The following CDH9 variants were observed in gnomAD, a reference collection of about 807,000 sequenced individuals.
CDH9 encodes cadherin-9.
A neutral mutation model predicts 70.9 loss-of-function variants in CDH9; 28 were observed. The ratio of observed to expected loss-of-function variants is 0.40; its 90% CI spans 0.29 to 0.54. The LOEUF (loss-of-function observed/expected upper bound fraction) is 0.54, where lower values mean the gene tolerates loss of function less well. CDH9 is among the 20% of genes least tolerant of loss of function. The pLI is 0.59. For synonymous variants in CDH9, 409 were observed against 343.1 expected (o/e 1.19, Z -2.12); for missense variants, 874 against 984.4 (o/e 0.89, Z 1.50).
intron 1 of CDH9, among the ~76,000 whole-genome samples, chr5:27,012,393 A>T (rs2112116431): frequency 6.6e-6 from 1 of 152,042 alleles, no homozygotes; most frequent in East Asian, 1.9e-4. Context: ...CTTGAAACAA[A>T]TTTTAAAAAT....
chr5:26,928,000 A>G (rs1164983227), intron 2 of CDH9, among the ~76,000 whole-genome samples: 3 of 152,074 alleles, frequency 2.0e-5, no homozygotes, highest in African/African-American at 4.8e-5. Flanking sequence ...AACCAGATTC[A>G]TATAGAGGTG....
At chr5:26,911,671 CA>C (rs1411523923) in intron 3 of CDH9, among the ~76,000 whole-genome samples, 11 of 17,580 alleles carry the variant, frequency 6.3e-4, no homozygotes, top group African/African-American at 7.3e-4. Context: ...GTAATGATCA[CA>C]AGAAAAAAAA....
At chr5:26,983,599 G>T (rs958512431) in intron 2 of CDH9, among the ~76,000 whole-genome samples, 1 of 152,134 alleles carries the variant, frequency 6.6e-6, no homozygotes, top group Non-Finnish European at 1.5e-5. Flanking sequence ...TAATTTTTGT[G>T]TGTGTTCTGA....
At chr5:27,029,974 A>T (rs1743283531) in intron 1 of CDH9, among the ~76,000 whole-genome samples, 2 of 152,006 alleles carry the variant, frequency 1.3e-5, no homozygotes, top group Non-Finnish European at 2.9e-5. Context: ...GTATAAAAAC[A>T]TTTTGCCACT....
intron 2 of CDH9, among the ~76,000 whole-genome samples, chr5:26,933,491 A>AAG (rs1554037795): frequency 3.3e-5 from 5 of 151,930 alleles, no homozygotes; most frequent in African/African-American, 1.2e-4. Context: ...TAAAAAAAAA[A>AAG]GAAGGCAGGG....
At chr5:26,965,512 G>T (rs1480587831) in intron 2 of CDH9, among the ~76,000 whole-genome samples, 1 of 151,530 alleles carries the variant, frequency 6.6e-6, no homozygotes, top group African/African-American at 2.4e-5. Flanking sequence ...AGAGGCAGAG[G>T]TTACAGTGAG....
intron 1 of CDH9, among the ~76,000 whole-genome samples, chr5:26,988,692 A>G (rs1364978733): frequency 6.6e-6 from 1 of 152,048 alleles, no homozygotes; most frequent in African/African-American, 2.4e-5. Context: ...GTTCTACAGC[A>G]TACATATTAT....
At chr5:26,992,790 T>C (rs1193193114) in intron 1 of CDH9, among the ~76,000 whole-genome samples, 1 of 152,108 alleles carries the variant, frequency 6.6e-6, no homozygotes, top group Non-Finnish European at 1.5e-5. Flanking sequence ...AAATGCTTAA[T>C]CTTCTTCAAG....
intron 2 of CDH9, among the ~76,000 whole-genome samples, chr5:26,969,096 C>T (rs1030773071): frequency 2.0e-5 from 3 of 152,056 alleles, no homozygotes; most frequent in Non-Finnish European, 2.9e-5. Context: ...ATTCATTTTC[C>T]ACAGTGAAGA....
intron 2 of CDH9, among the ~76,000 whole-genome samples, chr5:26,927,890 C>T (rs1206403565): frequency 6.6e-6 from 1 of 151,970 alleles, no homozygotes; most frequent in African/African-American, 2.4e-5. Flanking sequence ...TAGTGGCCCC[C>T]ACAGCACAAA....
intron 7 of CDH9, among the ~76,000 whole-genome samples, chr5:26,895,071 T>A (rs1160793747): frequency 6.6e-6 from 1 of 152,014 alleles, no homozygotes; most frequent in Non-Finnish European, 1.5e-5. Flanking sequence ...AATAAATGAG[T>A]AATATGCAGA....
chr5:26,985,892 A>G (rs1742479865), intron 2 of CDH9, among the ~76,000 whole-genome samples: 1 of 152,130 alleles, frequency 6.6e-6, no homozygotes, highest in Non-Finnish European at 1.5e-5. Context: ...TTAAGGGTCC[A>G]GTTAGCCACT....
chr5:27,017,860 G>T (rs575519863), intron 1 of CDH9, among the ~76,000 whole-genome samples: 1 of 151,742 alleles, frequency 6.6e-6, no homozygotes, highest in Non-Finnish European at 1.5e-5. Context: ...TTCACATATA[G>T]GTTATTTAAT....
At chr5:26,964,352 T>C (rs999159918) in intron 2 of CDH9, among the ~76,000 whole-genome samples, 2 of 152,206 alleles carry the variant, frequency 1.3e-5, no homozygotes, top group Non-Finnish European at 2.9e-5. Flanking sequence ...CACTGAGTTA[T>C]GGTGTGTCCT....
chr5:27,015,402 G>C (rs1743030978), intron 1 of CDH9, among the ~76,000 whole-genome samples: 1 of 151,416 alleles, frequency 6.6e-6, no homozygotes, highest in African/African-American at 2.4e-5. Flanking sequence ...TTTATTTCTT[G>C]TGCATACTTC....
intron 2 of CDH9, among the ~76,000 whole-genome samples, chr5:26,986,587 G>A (rs1407749966): frequency 6.6e-6 from 1 of 152,048 alleles, no homozygotes; most frequent in Non-Finnish European, 1.5e-5. Context: ...ACTGCCTTAG[G>A]ATTATGAGCG....
chr5:26,884,809 A>AT (rs1740532321), intron 11 of CDH9, among the ~76,000 whole-genome samples: 1 of 152,048 alleles, frequency 6.6e-6, no homozygotes, highest in South Asian at 2.1e-4. Flanking sequence ...GATAGAAACA[A>AT]TTTTTTGGGG....
At chr5:26,900,465 C>T (rs1487594442) in intron 7 of CDH9, among the ~76,000 whole-genome samples, 7 of 152,064 alleles carry the variant, frequency 4.6e-5, no homozygotes, top group African/African-American at 1.4e-4. Context: ...AAATAAATAG[C>T]CTTGGTGACC....
chr5:26,989,038 A>C (rs1415093716), intron 1 of CDH9, among the ~76,000 whole-genome samples: 1 of 152,076 alleles, frequency 6.6e-6, no homozygotes, highest in African/African-American at 2.4e-5. Flanking sequence ...TGAGGAGTAC[A>C]CGCTCTAAAT....
Sources: gnomAD v4.1 joint callset for allele counts (sites outside exome capture counted in the v4.1 genomes callset) on GRCh38, gnomAD v4.1.1 for gene constraint, MANE v1.5 for transcripts, NCBI Gene and HGNC (gene_info 2026-07-23, HGNC 2026-07-21) for gene names.